Variants in RPSA2 observed in about 807,000 individuals in gnomAD.
RPSA2 encodes the protein small ribosomal subunit protein uS2B.
the RPSA2 span, among the ~76,000 whole-genome samples, chr19:23,846,385 A>T: frequency 2.6e-5 from 4 of 151,766 alleles, no homozygotes; most frequent in African/African-American, 9.7e-5. Context: ...TTTTCTTTTT[A>T]TCTATTTATA....
chr19:23,769,012 A>G, the RPSA2 span, among the ~76,000 whole-genome samples: 13 of 152,326 alleles, frequency 8.5e-5, no homozygotes, highest in East Asian at 1.9e-3. Flanking sequence ...CCTTGCCCAC[A>G]GAAGAGAGAA....
the RPSA2 span, among the ~76,000 whole-genome samples, chr19:23,822,797 G>T: frequency 2.0e-5 from 3 of 152,106 alleles, no homozygotes; most frequent in Non-Finnish European, 4.4e-5. Context: ...TGGGTAGATT[G>T]GTGCATAGGG....
chr19:23,807,799 A>C, the RPSA2 span: 1 of 379,378 alleles, frequency 2.6e-6, no homozygotes. Context: ...CACTTTGTAC[A>C]TATGTGTGTT....
At chr19:23,808,272 A>ATTTTTTTTT in the RPSA2 span, among the ~76,000 whole-genome samples, 2 of 126,928 alleles carry the variant, frequency 1.6e-5, no homozygotes, top group Admixed American at 8.9e-5. Context: ...TACAAAATTA[A>ATTTTTTTTT]TTTTTTTTTT....
chr19:23,849,018 G>C, the RPSA2 span, among the ~76,000 whole-genome samples: 1 of 152,118 alleles, frequency 6.6e-6, no homozygotes, highest in Non-Finnish European at 1.5e-5. Context: ...CCAAGGTCTG[G>C]GTAAAGTTAC....
the RPSA2 span, among the ~76,000 whole-genome samples, chr19:23,822,656 G>A: frequency 1.3e-5 from 2 of 152,252 alleles, no homozygotes; most frequent in South Asian, 4.1e-4. Context: ...TAAATTGAAG[G>A]TGGCCTGCTT....
the RPSA2 span, chr19:23,758,890 A>C: frequency 2.5e-6 from 3 of 1,180,674 alleles, no homozygotes; most frequent in South Asian, 4.2e-5. Flanking sequence ...GAAGGGAGAG[A>C]CAAAGGCCCC....
At chr19:23,870,314 T>A in the RPSA2 span, among the ~76,000 whole-genome samples, 1 of 152,218 alleles carries the variant, frequency 6.6e-6, no homozygotes, top group South Asian at 2.1e-4. Context: ...AACACTGAGT[T>A]ACAAACTGAA....
At chr19:23,796,160 G>A in the RPSA2 span, among the ~76,000 whole-genome samples, 1 of 152,132 alleles carries the variant, frequency 6.6e-6, no homozygotes, top group Non-Finnish European at 1.5e-5. Context: ...AGGTTTTTGA[G>A]TTTTTAACAT....
At chr19:23,793,002 T>C in the RPSA2 span, among the ~76,000 whole-genome samples, 3 of 152,138 alleles carry the variant, frequency 2.0e-5, no homozygotes, top group Non-Finnish European at 4.4e-5. Flanking sequence ...GGTTGTATGG[T>C]GGCTCAGACT....
chr19:23,783,210 C>T, the RPSA2 span, among the ~76,000 whole-genome samples: 1 of 152,046 alleles, frequency 6.6e-6, no homozygotes, highest in Non-Finnish European at 1.5e-5. Flanking sequence ...ATTCTCTTGG[C>T]TCAGCCTTCT....
the RPSA2 span, among the ~76,000 whole-genome samples, chr19:23,816,512 G>A: frequency 6.6e-6 from 1 of 152,040 alleles, no homozygotes; most frequent in African/African-American, 2.4e-5. Context: ...TGAGTGGTAC[G>A]TTTTTTCTTA....
the RPSA2 span, chr19:23,808,888 A>G: frequency 2.6e-6 from 1 of 390,764 alleles, no homozygotes; most frequent in Non-Finnish European, 4.6e-6. Flanking sequence ...CTTTAAAGTG[A>G]TTTGGGAAGC....
the RPSA2 span, among the ~76,000 whole-genome samples, chr19:23,789,015 C>CTTTTT: frequency 9.2e-5 from 1 of 10,868 alleles, no homozygotes; most frequent in South Asian, 3.7e-3. Context: ...TCTTTTTTTT[C>CTTTTT]TTTCTTTCTT....
At chr19:23,785,449 C>G in the RPSA2 span, among the ~76,000 whole-genome samples, 3 of 152,110 alleles carry the variant, frequency 2.0e-5, no homozygotes, top group Non-Finnish European at 2.9e-5. Context: ...TTTGCCTACA[C>G]TCTGCCCACA....
At chr19:23,835,326 CTAAA>C in the RPSA2 span, among the ~76,000 whole-genome samples, 1 of 151,006 alleles carries the variant, frequency 6.6e-6, no homozygotes, top group Non-Finnish European at 1.5e-5. Flanking sequence ...AACTTTAGGT[CTAAA>C]TAAATTATGG....
chr19:23,793,046 G>T, the RPSA2 span, among the ~76,000 whole-genome samples: 3 of 152,270 alleles, frequency 2.0e-5, no homozygotes, highest in Non-Finnish European at 2.9e-5. Flanking sequence ...CCTGTGGGAA[G>T]AGAATAAACC....
At chr19:23,863,809 C>G in the RPSA2 span, among the ~76,000 whole-genome samples, 122 of 152,100 alleles carry the variant, frequency 8.0e-4, no homozygotes, top group African/African-American at 2.9e-3. Flanking sequence ...TAGTGTTAAC[C>G]ACTCCACTTC....
At chr19:23,771,741 G>A in the RPSA2 span, among the ~76,000 whole-genome samples, 2 of 152,180 alleles carry the variant, frequency 1.3e-5, no homozygotes, top group African/African-American at 2.4e-5. Flanking sequence ...AGAAGGGACT[G>A]TAATATATTT....
Sources: allele counts gnomAD v4.1 joint callset (sites outside exome capture counted in the v4.1 genomes callset), GRCh38; gene constraint gnomAD v4.1.1; transcripts MANE v1.5; gene names NCBI Gene and HGNC (gene_info 2026-07-23, HGNC 2026-07-21).